The following KCNJ12 variants were observed in gnomAD, a reference collection of about 807,000 sequenced individuals.
KCNJ12 encodes ATP-sensitive inward rectifier potassium channel 12.
Under a neutral mutation model 22.3 loss-of-function variants are expected in KCNJ12, and 2 were observed. The observed-to-expected ratio is 0.09, with a 90% CI of 0.04 to 0.28. The LOEUF (loss-of-function observed/expected upper bound fraction) is 0.28, where lower values mean the gene tolerates loss of function less well. KCNJ12 is among the 10% of genes least tolerant of loss of function. KCNJ12 has a pLI of 1.00. For synonymous variants in KCNJ12, 117 were observed against 261.4 expected (o/e 0.45, Z 5.33); for missense variants, 155 against 633.3 (o/e 0.24, Z 8.11).
chr17:21,387,103 C>T (rs1437129302), intron 1 of KCNJ12, among the ~76,000 whole-genome samples: 2 of 151,844 alleles, frequency 1.3e-5, no homozygotes, highest in African/African-American at 4.8e-5. Context: ...CTGCAGTGAG[C>T]GGAGATCGCG....
chr17:21,418,582 G>A lies in KCNJ12; in HGVS notation c.*1938G>A, dbSNP rs1906975636. On this transcript the variant is annotated 3_prime_UTR_variant, in exon 3 of 3. Transcript: ENST00000583088. ...CACCCGACCCCTACATCCTGGGGTAGGCCCGACTCAGCATCCTGTCCCAGC... is the reference window on the plus strand; with the variant it reads ...CACCCGACCCCTACATCCTGGGGTAAGCCCGACTCAGCATCCTGTCCCAGC... The A allele has an allele frequency of 6.0e-6, 1 of 167,156 alleles. No homozygotes were observed. The highest frequency in any genetic ancestry group is 6.5e-5 in the Admixed American group (1 of 15,286). 10.4% of individuals were successfully genotyped at this position (167,156 alleles called of 1,614,324 possible). A position where few individuals can be genotyped will look rare whatever the true frequency, so the allele number is the denominator to read the frequency against.
chr17:21,388,056 C>T (rs1905121729), intron 1 of KCNJ12, among the ~76,000 whole-genome samples: 1 of 152,164 alleles, frequency 6.6e-6, no homozygotes, highest in African/African-American at 2.4e-5. Flanking sequence ...TTCTGCTTGG[C>T]GTCTCCTTTG....
chr17:21,410,757 C>G (rs1308455064), intron 2 of KCNJ12, among the ~76,000 whole-genome samples: 2 of 152,296 alleles, frequency 1.3e-5, no homozygotes, highest in Non-Finnish European at 2.9e-5. Context: ...CCCCTACAGC[C>G]CAGCCTGGAA....
At chr17:21,395,484 G>T (rs1479750173) in intron 1 of KCNJ12, among the ~76,000 whole-genome samples, 6 of 146,210 alleles carry the variant, frequency 4.1e-5, no homozygotes, top group African/African-American at 1.6e-4. Context: ...GGGAGGCTGA[G>T]GCAGGAGAGT....
At chr17:21,398,095 G>A (rs1456756812) in intron 1 of KCNJ12, among the ~76,000 whole-genome samples, 3 of 148,232 alleles carry the variant, frequency 2.0e-5, no homozygotes, top group African/African-American at 5.2e-5. Flanking sequence ...GTGTGTATGT[G>A]TGTGTGTGTG....
At chr17:21,404,673 C>T (rs34769895) in intron 1 of KCNJ12, among the ~76,000 whole-genome samples, 5 of 152,120 alleles carry the variant, frequency 3.3e-5, no homozygotes, top group South Asian at 4.1e-4. Context: ...GCAGTGTCTG[C>T]GATGGCCACC....
intron 1 of KCNJ12, among the ~76,000 whole-genome samples, chr17:21,402,241 C>G (rs3952390): frequency 3.8e-3 from 585 of 152,216 alleles, no homozygotes; most frequent in African/African-American, 0.013. Flanking sequence ...CCCTCATTCT[C>G]TTCTCACTAG....
chr17:21,399,455 T>C (rs1905498372), intron 1 of KCNJ12, among the ~76,000 whole-genome samples: 1 of 152,180 alleles, frequency 6.6e-6, no homozygotes, highest in Non-Finnish European at 1.5e-5. Context: ...ACCTCTGCTC[T>C]GGGACAAATG....
chr17:21,383,025 C>T (rs2144763823), intron 1 of KCNJ12, among the ~76,000 whole-genome samples: 1 of 152,138 alleles, frequency 6.6e-6, no homozygotes, highest in East Asian at 1.9e-4. Flanking sequence ...GGCCACAGAC[C>T]CTCTGTCCCT....
chr17:21,403,938 C>G (rs1242417422), intron 1 of KCNJ12, among the ~76,000 whole-genome samples: 1 of 152,298 alleles, frequency 6.6e-6, no homozygotes, highest in Non-Finnish European at 1.5e-5. Context: ...GTTTCAAGCT[C>G]TCTTATGGCC....
intron 2 of KCNJ12, among the ~76,000 whole-genome samples, chr17:21,412,344 G>A (rs548267477): frequency 6.6e-6 from 1 of 152,424 alleles, no homozygotes; most frequent in African/African-American, 2.4e-5. Flanking sequence ...TCACCAGTCT[G>A]GTAGTTGGCC....
chr17:21,413,816 A>G (rs546024191), intron 2 of KCNJ12, among the ~76,000 whole-genome samples: 1 of 152,414 alleles, frequency 6.6e-6, no homozygotes, highest in South Asian at 2.1e-4. Context: ...GGGTGCCTGA[A>G]TGTGCAGTAG....
At chr17:21,396,057 C>T (rs1225709027) in intron 1 of KCNJ12, among the ~76,000 whole-genome samples, 3 of 152,178 alleles carry the variant, frequency 2.0e-5, no homozygotes, top group Non-Finnish European at 4.4e-5. Flanking sequence ...TACCTGGGTC[C>T]CTGCCAGGCT....
At chr17:21,377,907 C>T (rs1567694440) in intron 1 of KCNJ12, among the ~76,000 whole-genome samples, 1 of 152,164 alleles carries the variant, frequency 6.6e-6, no homozygotes, top group Non-Finnish European at 1.5e-5. Flanking sequence ...CTTAGAGTAC[C>T]GCGCTGCCTG....
At chr17:21,408,267 G>C (rs1165226365) in intron 1 of KCNJ12, among the ~76,000 whole-genome samples, 1 of 152,280 alleles carries the variant, frequency 6.6e-6, no homozygotes, top group African/African-American at 2.4e-5. Context: ...GCATGCAATA[G>C]GCACTCAATA....
At chr17:21,395,568 C>CAAAAAAAAAAAAAAAAAAA (rs10652801) in intron 1 of KCNJ12, among the ~76,000 whole-genome samples, 29 of 48,102 alleles carry the variant, frequency 6.0e-4, no homozygotes, top group South Asian at 2.6e-3. Context: ...GACTTCTTCT[C>CAAAAAAAAAAAAAAAAAAA]AAAAAAAAAA....
intron 1 of KCNJ12, among the ~76,000 whole-genome samples, chr17:21,384,770 G>GTTTTT (rs200586129): frequency 1.2e-4 from 15 of 128,672 alleles, no homozygotes; most frequent in East Asian, 2.2e-4. Flanking sequence ...TTGTTTGTTT[G>GTTTTT]TTTTTTTTTT....
intron 1 of KCNJ12, among the ~76,000 whole-genome samples, chr17:21,402,732 G>C (rs1281579649): frequency 6.6e-6 from 1 of 152,312 alleles, no homozygotes; most frequent in Non-Finnish European, 1.5e-5. Context: ...CCCCTACAGA[G>C]AGCAGACAGG....
chr17:21,399,605 A>T (rs537053642), intron 1 of KCNJ12, among the ~76,000 whole-genome samples: 1 of 152,286 alleles, frequency 6.6e-6, no homozygotes, highest in South Asian at 2.1e-4. Context: ...AGCACCAATT[A>T]GCTGCCACCA....
Sources: allele counts gnomAD v4.1 joint callset (sites outside exome capture counted in the v4.1 genomes callset), GRCh38; gene constraint gnomAD v4.1.1; transcripts MANE v1.5; gene names NCBI Gene and HGNC (gene_info 2026-07-23, HGNC 2026-07-21).